ATP8A1: variants seen among roughly 807,000 people sequenced by gnomAD.
ATP8A1 encodes the protein phospholipid-transporting ATPase IA.
ATP8A1 carries 90 observed loss-of-function variants against 177.7 expected under a neutral mutation model. That is an observed-to-expected ratio of 0.51 (90% CI 0.43 to 0.60). The LOEUF (loss-of-function observed/expected upper bound fraction) is 0.60, where lower values mean the gene tolerates loss of function less well. Ranked by LOEUF, ATP8A1 falls within the 20% of genes least tolerant of loss-of-function variation. The pLI, the probability that ATP8A1 is intolerant of heterozygous loss-of-function variation, is 0.00. For missense variants in ATP8A1, 1,072 were observed against 1,392.8 expected, an observed-to-expected ratio of 0.77 and a Z score of 3.67; for synonymous variants, 493 against 485.9, an observed-to-expected ratio of 1.01 and a Z score of -0.19.
At chr4:42,459,497 A>G (rs1488197222) in intron 27 of ATP8A1, 1 of 347,610 alleles carries the variant, frequency 2.9e-6, no homozygotes, top group Non-Finnish European at 5.7e-6. Flanking sequence ...ATGTAAATAA[A>G]CTGTATAAAT....
chr4:42,601,036 T>TTTTC (rs1735204725), intron 5 of ATP8A1, among the ~76,000 whole-genome samples: 3 of 112,392 alleles, frequency 2.7e-5, no homozygotes, highest in Non-Finnish European at 4.0e-5. Context: ...AAATTTTCTT[T>TTTTC]TTTTTTTTTT....
At chr4:42,587,841 C>T (rs1446709874) in intron 8 of ATP8A1, among the ~76,000 whole-genome samples, 1 of 152,132 alleles carries the variant, frequency 6.6e-6, no homozygotes, top group East Asian at 1.9e-4. Context: ...ATCTCCTGAC[C>T]TTGTGATTCA....
chr4:42,625,557 G>T, intron 3 of ATP8A1, 57 bp downstream of exon 3: 1 of 1,209,458 alleles, frequency 8.3e-7, no homozygotes, highest in Middle Eastern at 1.9e-4. Flanking sequence ...GATTGGTCAC[G>T]GGCTTAACAT....
At chr4:42,514,313 A>G (rs1301332883) in intron 22 of ATP8A1, among the ~76,000 whole-genome samples, 1 of 152,226 alleles carries the variant, frequency 6.6e-6, no homozygotes, top group Non-Finnish European at 1.5e-5. Flanking sequence ...CAACGCATCC[A>G]TCTTATCTGA....
intron 20 of ATP8A1, among the ~76,000 whole-genome samples, chr4:42,536,697 C>T (rs766112030): frequency 6.6e-6 from 1 of 152,150 alleles, no homozygotes; most frequent in African/African-American, 2.4e-5. Context: ...AAGTCCTCAA[C>T]AAAACTTGCT....
At chr4:42,454,553 A>T (rs548720587) in intron 29 of ATP8A1, among the ~76,000 whole-genome samples, 3 of 152,302 alleles carry the variant, frequency 2.0e-5, no homozygotes, top group Non-Finnish European at 4.4e-5. Flanking sequence ...GTAATATTAA[A>T]TTTTTTCCTC....
At chr4:42,555,139 AATCTATCTATCTATCTATCTATCT>A (rs1553903247) in intron 16 of ATP8A1, among the ~76,000 whole-genome samples, 5 of 59,556 alleles carry the variant, frequency 8.4e-5, no homozygotes, top group East Asian at 8.6e-4. Flanking sequence ...CTATCTATCT[AATCTATCTATCTATCTATCTATCT>A]ATCTATCTAT....
At chr4:42,584,784 A>C (rs938700723) in intron 9 of ATP8A1, among the ~76,000 whole-genome samples, 1 of 152,100 alleles carries the variant, frequency 6.6e-6, no homozygotes, top group Non-Finnish European at 1.5e-5. Context: ...TTCTGTCCCA[A>C]ACTTCAGATA....
chr4:42,636,154 A>ACGCGCGTGCGCGCGCGCG (rs765930469), intron 1 of ATP8A1, among the ~76,000 whole-genome samples: 1 of 47,540 alleles, frequency 2.1e-5, no homozygotes, highest in Admixed American at 2.4e-4. Context: ...ACACACACAC[A>ACGCGCGTGCGCGCGCGCG]CACGCACACA....
chr4:42,424,056 C>T (rs1326526000), intron 33 of ATP8A1, among the ~76,000 whole-genome samples: 2 of 151,992 alleles, frequency 1.3e-5, no homozygotes, highest in Non-Finnish European at 2.9e-5. Context: ...AAGATACCTA[C>T]AAAAACAACA....
At chr4:42,515,267 A>G (rs1294854522) in intron 22 of ATP8A1, among the ~76,000 whole-genome samples, 1 of 152,208 alleles carries the variant, frequency 6.6e-6, no homozygotes, top group African/African-American at 2.4e-5. Flanking sequence ...CATCATGTAA[A>G]TTTTCATTTC....
chr4:42,473,874 G>A (rs1393603946), intron 25 of ATP8A1, among the ~76,000 whole-genome samples: 2 of 148,196 alleles, frequency 1.3e-5, no homozygotes, highest in African/African-American at 2.5e-5. Context: ...GGCTGGTCTC[G>A]AACTCCTGGC....
At chr4:42,552,416 C>T (rs956342902) in intron 17 of ATP8A1, 89 bp downstream of exon 17, 1 of 1,093,536 alleles carries the variant, frequency 9.1e-7, no homozygotes, top group South Asian at 1.5e-5. Context: ...AAAAAACACT[C>T]AATTTGGCTA....
chr4:42,446,729 G>T, intron 30 of ATP8A1, 85 bp from the exon 31 acceptor site: 1 of 1,311,278 alleles, frequency 7.6e-7, no homozygotes, highest in Non-Finnish European at 1.1e-6. Flanking sequence ...TTTGAACGAA[G>T]GAAGGGAAAT....
chr4:42,455,683 GCAT>G, intron 27 of ATP8A1, 84 bp from the exon 28 acceptor site: 1 of 1,181,484 alleles, frequency 8.5e-7, no homozygotes, highest in Non-Finnish European at 1.2e-6. Context: ...CTCAACTGCT[GCAT>G]AATAGCAGCA....
At chr4:42,586,319 T>C (rs775743685) in intron 9 of ATP8A1, 30 bp downstream of exon 9, 1 of 1,611,430 alleles carries the variant, frequency 6.2e-7, no homozygotes, top group Non-Finnish European at 8.5e-7. Context: ...CAGTGGATTC[T>C]GTGTTTTTAT....
intron 25 of ATP8A1, among the ~76,000 whole-genome samples, chr4:42,475,491 C>CA (rs10655191): frequency 0.38 from 50,240 of 132,074 alleles, 10,333 homozygotes; most frequent in East Asian, 0.54. Flanking sequence ...AAATATCAGA[C>CA]AAAAAAAAAA....
chr4:42,597,837 T>A (rs2109390519), intron 6 of ATP8A1, among the ~76,000 whole-genome samples: 1 of 152,280 alleles, frequency 6.6e-6, no homozygotes, highest in Admixed American at 6.5e-5. Context: ...TAAAAATAAA[T>A]CTGAAATGTT....
At chr4:42,628,356 A>C (rs1247895946) in intron 1 of ATP8A1, among the ~76,000 whole-genome samples, 1 of 152,142 alleles carries the variant, frequency 6.6e-6, no homozygotes, top group Non-Finnish European at 1.5e-5. Flanking sequence ...GGGGTGTGAG[A>C]AACGGTGTCA....
Sources: allele counts gnomAD v4.1 joint callset (sites outside exome capture counted in the v4.1 genomes callset), GRCh38; gene constraint gnomAD v4.1.1; transcripts MANE v1.5; gene names NCBI Gene and HGNC (gene_info 2026-07-23, HGNC 2026-07-21).